ADH4: variants seen among roughly 807,000 people sequenced by gnomAD.
The protein encoded by ADH4 is alcohol dehydrogenase 4 (class II), pi polypeptide.
Under a neutral mutation model 35.2 loss-of-function variants are expected in ADH4, and 31 were observed. That is an observed-to-expected ratio of 0.88 (90% CI 0.66 to 1.19). The LOEUF is 1.19. ADH4 is among the 50% of genes most tolerant of loss of function. ADH4 has a pLI of 0.00. For synonymous variants in ADH4, 171 were observed against 160.2 expected, an observed-to-expected ratio of 1.07 and a Z score of -0.51; for missense variants, 476 against 458.3, an observed-to-expected ratio of 1.04 and a Z score of -0.35.
At chr4:99,131,398 C>T (rs2110494925) in intron 6 of ADH4, 106 bp downstream of exon 6, 6 of 1,247,010 alleles carry the variant, frequency 4.8e-6, no homozygotes, top group Middle Eastern at 2.8e-4. Flanking sequence ...ACCCTGTCAT[C>T]CATTTGAAAG....
At position 99,127,260 on chromosome 4, in the gene ADH4, A is replaced by G. The variant is rs777089873; in HGVS notation, c.928T>C (p.Phe310Leu). Residue 310 changes from phenylalanine (F) to leucine (L), a missense_variant, in exon 7 of 9, where the codon TTT becomes CTT. Transcript: ENST00000265512. ...VAAGSKGLTI[F>L]PEELIIGRTI... ...CGGCCGATTATTAGCTCCTCTGGAAAAATAGTCAATCCTTTGCTACCAGCA... is the reference window on the plus strand; with the variant it reads ...CGGCCGATTATTAGCTCCTCTGGAAGAATAGTCAATCCTTTGCTACCAGCA... 7 of 1,611,958 alleles carry G rather than the reference A, an allele frequency of 4.3e-6. No individual in the cohort carries two copies. The highest frequency in any genetic ancestry group is 1.6e-4 in the Middle Eastern group (1 of 6,078).
intron 6 of ADH4, among the ~76,000 whole-genome samples, chr4:99,128,208 G>T (rs1422651987): frequency 6.6e-6 from 1 of 152,170 alleles, no homozygotes; most frequent in Non-Finnish European, 1.5e-5. Context: ...GCCAAGGCAG[G>T]TGGATCACTT....
chr4:99,138,915 A>G, intron 4 of ADH4, 146 bp downstream of exon 4: 1 of 558,812 alleles, frequency 1.8e-6, no homozygotes, highest in South Asian at 2.6e-5. Flanking sequence ...CTTTGTGTGC[A>G]CTTGCAATAG....
intron 1 of ADH4, chr4:99,143,473 C>T (rs1729702920): frequency 3.1e-6 from 1 of 327,012 alleles, no homozygotes; most frequent in South Asian, 6.3e-5. Context: ...ATTCTATAAC[C>T]CCAATTTTTT....
At chr4:99,129,771 C>CT (rs1334383865) in intron 6 of ADH4, among the ~76,000 whole-genome samples, 3 of 152,096 alleles carry the variant, frequency 2.0e-5, no homozygotes, top group African/African-American at 7.2e-5. Context: ...TGTTTTCCTC[C>CT]AGTACAACTT....
chr4:99,136,485 G>A lies in ADH4; in HGVS notation c.563C>T (p.Ala188Val), dbSNP rs1304838146. The change falls in exon 5 of 9, where the codon GCT (alanine) becomes GTT (valine). Residue 188 changes from alanine to valine, a missense_variant. Coordinates refer to ENST00000265512, the MANE Select transcript of ADH4 (RefSeq NM_000670.5). ...LGCGFSTGYGAAINNAKVTPG... is the reference protein window; with the variant it reads ...LGCGFSTGYGVAINNAKVTPG... ...ATTTACCTTGGCATTGTTGATTGCAGCCCCATAGCCAGTTGAAAACCCACA... is the reference window on the plus strand; with the variant it reads ...ATTTACCTTGGCATTGTTGATTGCAACCCCATAGCCAGTTGAAAACCCACA... 4 of 1,613,912 alleles carry A rather than the reference G, an allele frequency of 2.5e-6. No homozygotes were observed. Among genetic ancestry groups the A allele is most frequent in the Non-Finnish European group, 3.4e-6 (4 of 1,179,926 alleles).
intron 6 of ADH4, among the ~76,000 whole-genome samples, chr4:99,130,347 C>CTA (rs1250135585): frequency 2.2e-4 from 34 of 152,262 alleles, no homozygotes; most frequent in African/African-American, 8.2e-4. Context: ...TCTACAGCTT[C>CTA]CAGTCAGGTC....
At chr4:99,141,428 A>T (rs1729612053) in intron 3 of ADH4, 113 bp downstream of exon 3, 1 of 1,012,676 alleles carries the variant, frequency 9.9e-7, no homozygotes, top group Non-Finnish European at 1.4e-6. Context: ...TTTGGAAAAG[A>T]TGGTCCCCTT....
intron 5 of ADH4, among the ~76,000 whole-genome samples, chr4:99,132,384 G>A (rs1455092113): frequency 6.6e-6 from 1 of 152,126 alleles, no homozygotes; most frequent in Non-Finnish European, 1.5e-5. Context: ...TTTAATTAAA[G>A]TATAACCTAT....
intron 8 of ADH4, among the ~76,000 whole-genome samples, chr4:99,125,136 A>T (rs186345705): frequency 6.6e-6 from 1 of 152,276 alleles, no homozygotes; most frequent in Non-Finnish European, 1.5e-5. Context: ...ATTGTATCCC[A>T]TCCCCATCCC....
intron 6 of ADH4, among the ~76,000 whole-genome samples, chr4:99,130,328 TA>T (rs896545626): frequency 6.6e-6 from 1 of 152,210 alleles, no homozygotes; most frequent in Non-Finnish European, 1.5e-5. Flanking sequence ...TGCAAGGTTA[TA>T]AAATCTTTCT....
At chr4:99,143,781 C>G (rs867181301) in intron 1 of ADH4, among the ~76,000 whole-genome samples, 2 of 152,138 alleles carry the variant, frequency 1.3e-5, no homozygotes, top group African/African-American at 4.8e-5. Context: ...TCTGTAAGCT[C>G]ATCACCCACT....
Position 99,127,831 on chromosome 4 carries a change from CA to C in ADH4, c.844-488del, listed in dbSNP as rs70955969. Among the ~76,000 whole-genome samples the C allele has an allele frequency of 3.5e-3, 441 of 125,770 alleles. 2 individuals are homozygous for C. Among genetic ancestry groups the C allele is most frequent in the Middle Eastern group, 8.5e-3 (2 of 236 alleles). 82.5% of individuals were successfully genotyped at this position (125,770 alleles called of 152,430 possible). ...TGGGTCACAGAGTGAGACTCTGTCT[CA>C]AAAAAAAAAAAAATTATTAGTAAAA... On this transcript the variant is annotated intron_variant, in intron 6 of 8. Transcript: ENST00000265512.
At chr4:99,126,040 A>G (rs1399708753) in intron 8 of ADH4, among the ~76,000 whole-genome samples, 3 of 152,100 alleles carry the variant, frequency 2.0e-5, no homozygotes, top group Non-Finnish European at 4.4e-5. Flanking sequence ...GAACATTTCT[A>G]TGCATCAGTT....
chr4:99,140,133 C>T (rs1729564408), intron 3 of ADH4, among the ~76,000 whole-genome samples: 2 of 151,832 alleles, frequency 1.3e-5, no homozygotes, highest in African/African-American at 4.8e-5. Context: ...TACAAACTTC[C>T]AAAAAAACAC....
At position 99,126,722 on chromosome 4, in the gene ADH4, A is replaced by G. The variant is rs975314709; in HGVS notation, c.990T>C (p.Ser330=). ...TGACCAGCTTTGGGATAGAATCTACACTTTTCCAACCTGTAATGTGGACAA... is the reference window on the plus strand; with the variant it reads ...TGACCAGCTTTGGGATAGAATCTACGCTTTTCCAACCTGTAATGTGGACAA... ...INGTFFGGWK[S]VDSIPKLVTD... The change falls in exon 8 of 9, where the codon AGT becomes AGC. Residue 330 remains serine (S), a synonymous_variant. Transcript: ENST00000265512. 50 of 1,605,976 alleles carry G rather than the reference A, an allele frequency of 3.1e-5. No homozygotes were observed. Among genetic ancestry groups the G allele is most frequent in the Non-Finnish European group, 4.2e-5 (49 of 1,174,078 alleles).
In ADH4 at chr4:99,131,647, T is replaced by G; in HGVS notation, c.700A>C (p.Lys234Gln). Residue 234 changes from lysine (K) to glutamine (Q), a missense_variant, in exon 6 of 9, where the codon AAG (lysine) becomes CAG (glutamine). By Grantham distance (53) the Lys-to-Gln change is moderately conservative. Transcript: ENST00000265512. ...RIIGIDINSE[K>Q]FVKAKALGAT... is the part of the protein sequence containing the mutation. ...CCCAGGGCTTTAGCCTTCACAAACT[T>G]CTCACTGTTGATGTCAATACCTATG... The G allele has an allele frequency of 6.2e-7, 1 of 1,614,094 alleles. No homozygotes were observed. Among genetic ancestry groups the G allele is most frequent in the Non-Finnish European group, 8.5e-7 (1 of 1,179,988 alleles).
At chr4:99,143,049 TATA>T (rs1232589535) in intron 1 of ADH4, 1 of 687,010 alleles carries the variant, frequency 1.5e-6, no homozygotes, top group Admixed American at 2.1e-5. Context: ...TTTACCTTGA[TATA>T]ATGTCTCAAG....
chr4:99,143,239 A>G, intron 1 of ADH4: 1 of 701,964 alleles, frequency 1.4e-6, no homozygotes, highest in Non-Finnish European at 2.6e-6. Flanking sequence ...TCGGACAAGC[A>G]TTTATTCACA....
Sources: allele counts gnomAD v4.1 joint callset (sites outside exome capture counted in the v4.1 genomes callset), GRCh38; gene constraint gnomAD v4.1.1; transcripts MANE v1.5; gene names NCBI Gene and HGNC (gene_info 2026-07-23, HGNC 2026-07-21).